Variants in ALG5 observed in about 807,000 individuals in gnomAD.
The protein encoded by ALG5 is dolichyl-phosphate beta-glucosyltransferase.
A neutral mutation model predicts 51.8 loss-of-function variants in ALG5; 26 were observed. The ratio of observed to expected loss-of-function variants is 0.50; its 90% confidence interval spans 0.37 to 0.70. ALG5 has a LOEUF of 0.70. Among genes scored for constraint, ALG5 ranks in the 30% least tolerant of loss-of-function variants. The pLI is 0.00. For missense variants in ALG5, 311 were observed against 399.3 expected (o/e 0.78, Z 1.88); for synonymous variants, 141 against 136.1 (o/e 1.04, Z -0.25).
At chr13:36,991,307 G>A (rs1446843326) in intron 4 of ALG5, among the ~76,000 whole-genome samples, 1 of 151,028 alleles carries the variant, frequency 6.6e-6, no homozygotes, top group East Asian at 1.9e-4. Context: ...AAAAAGAAAA[G>A]TATAATTCTA....
chr13:36,964,998 A>T lies in ALG5; in HGVS notation c.773+577T>A, dbSNP rs532061910. ...GGTGAGGAGTGAGTGGGAAGCAAGA[A>T]AACAAAGCCAGTGAATATAAAACAC... On this transcript the variant is annotated intron_variant, in intron 8 of 9. Transcript: ENST00000239891. Among the ~76,000 whole-genome samples the T allele has an allele frequency of 4.6e-5, 7 of 152,232 alleles. No individual in the cohort carries two copies. The South Asian group carries it at 1.2e-3, about 27-fold the overall frequency.
intron 9 of ALG5, 101 bp from the exon 10 acceptor site, chr13:36,950,158 A>G (rs2058812114): frequency 3.2e-6 from 2 of 619,146 alleles, no homozygotes; most frequent in Non-Finnish European, 5.3e-6. Context: ...AGCCTTTAGC[A>G]CCTTAATTTT....
chr13:36,983,449 A>C (rs1227167173), intron 6 of ALG5, among the ~76,000 whole-genome samples: 3 of 152,156 alleles, frequency 2.0e-5, no homozygotes, highest in Non-Finnish European at 2.9e-5. Flanking sequence ...GTGATGATGG[A>C]AATGCTATAC....
At chr13:36,998,363 C>G (rs1189148309) in intron 1 of ALG5, among the ~76,000 whole-genome samples, 1 of 152,164 alleles carries the variant, frequency 6.6e-6, no homozygotes, top group Non-Finnish European at 1.5e-5. Flanking sequence ...TTTATCTAAA[C>G]TGTAAATTTA....
chr13:36,974,359 G>A (rs1566062393), intron 6 of ALG5, among the ~76,000 whole-genome samples: 1 of 151,924 alleles, frequency 6.6e-6, no homozygotes, highest in East Asian at 1.9e-4. Context: ...ATTTAAAAGT[G>A]CTCATTATAA....
intron 7 of ALG5, among the ~76,000 whole-genome samples, chr13:36,970,869 C>T (rs938006467): frequency 6.6e-6 from 1 of 152,138 alleles, no homozygotes; most frequent in Non-Finnish European, 1.5e-5. Flanking sequence ...CAAGATTGCG[C>T]CACTGCACTG....
chr13:36,960,374 G>A (rs1235092640), intron 8 of ALG5, among the ~76,000 whole-genome samples: 1 of 152,124 alleles, frequency 6.6e-6, no homozygotes. Flanking sequence ...GTTGAAAGTG[G>A]CCACAGCTAT....
At chr13:36,966,215 T>C (rs2058892861) in intron 7 of ALG5, among the ~76,000 whole-genome samples, 1 of 152,182 alleles carries the variant, frequency 6.6e-6, no homozygotes, top group South Asian at 2.1e-4. Flanking sequence ...GGTTATGGAC[T>C]AGAAAGGAGT....
At chr13:36,958,984 CAAAAT>C (rs1361144722) in intron 8 of ALG5, among the ~76,000 whole-genome samples, 3 of 147,104 alleles carry the variant, frequency 2.0e-5, no homozygotes, top group South Asian at 2.1e-4. Flanking sequence ...CAACTGCAAA[CAAAAT>C]AAAATAAAAA....
intron 4 of ALG5, 84 bp from the exon 5 acceptor site, chr13:36,989,660 C>T: frequency 1.9e-6 from 2 of 1,026,412 alleles, no homozygotes; most frequent in Non-Finnish European, 3.0e-6. Context: ...TTGGCTCAAA[C>T]ACTGCTATTG....
intron 6 of ALG5, among the ~76,000 whole-genome samples, chr13:36,983,760 T>G (rs1937761): frequency 0.83 from 126,436 of 151,882 alleles, 53,277 homozygotes; most frequent in East Asian, 1. Flanking sequence ...TCACTTAGAA[T>G]CTTAAAAAAA....
At chr13:36,981,309 A>C (rs1036967018) in intron 6 of ALG5, among the ~76,000 whole-genome samples, 2 of 152,236 alleles carry the variant, frequency 1.3e-5, no homozygotes, top group Non-Finnish European at 2.9e-5. Flanking sequence ...AAATGGTCAA[A>C]GCAATATTGT....
At chr13:36,964,634 G>A (rs2058883912) in intron 8 of ALG5, among the ~76,000 whole-genome samples, 1 of 152,098 alleles carries the variant, frequency 6.6e-6, no homozygotes, top group South Asian at 2.1e-4. Context: ...ACATAGAGGT[G>A]GCTAGATGTT....
rs57192095 is a variant in ALG5 at position 36,976,425 on chromosome 13, C to CAAA, written c.562-4392_562-4390dup. ...TCAGTGACAGAGCAAGACTCTGTCT[C>CAAA]AAAAAAAAAAAAAAAAAAAAAAAAA... On this transcript the variant is annotated intron_variant, in intron 6 of 9. Transcript: ENST00000239891. 3.4e-3 allele frequency among the ~76,000 whole-genome samples: 126 copies of CAAA among 36,584 alleles called. 1 individual carries two copies. The highest frequency in any genetic ancestry group is 5.1e-3 in the Non-Finnish European group (77 of 15,026). 24.0% of individuals were successfully genotyped at this position (36,584 alleles called of 152,430 possible). A position where few individuals can be genotyped will look rare whatever the true frequency, so the allele number is the denominator to read the frequency against.
chr13:36,980,063 A>T (rs1022451812), intron 6 of ALG5, among the ~76,000 whole-genome samples: 6 of 152,244 alleles, frequency 3.9e-5, no homozygotes, highest in Middle Eastern at 6.8e-3. Context: ...TAATAATAAA[A>T]AATAAATAAA....
chr13:36,954,987 G>C (rs2058833508), intron 8 of ALG5, among the ~76,000 whole-genome samples: 1 of 152,126 alleles, frequency 6.6e-6, no homozygotes, highest in South Asian at 2.1e-4. Context: ...AGTGGGAGAA[G>C]GGTGCCACAG....
At chr13:36,965,964 TCAGACAAGCGGC>T (rs2058891389) in intron 7 of ALG5, among the ~76,000 whole-genome samples, 1 of 152,092 alleles carries the variant, frequency 6.6e-6, no homozygotes, top group Non-Finnish European at 1.5e-5. Context: ...GGAGGTTGAG[TCAGACAAGCGGC>T]CAGGGCTTTA....
chr13:36,996,252 A>G (rs1412543216), intron 1 of ALG5, among the ~76,000 whole-genome samples: 4 of 152,174 alleles, frequency 2.6e-5, no homozygotes, highest in African/African-American at 9.7e-5. Context: ...TTTGGAAATA[A>G]CCATTGTTTT....
At chr13:36,998,067 T>C (rs933178210) in intron 1 of ALG5, among the ~76,000 whole-genome samples, 1 of 152,160 alleles carries the variant, frequency 6.6e-6, no homozygotes, top group Non-Finnish European at 1.5e-5. Context: ...AATCAATAAA[T>C]GGTAGCTCTT....
Sources: allele counts gnomAD v4.1 joint callset (sites outside exome capture counted in the v4.1 genomes callset), GRCh38; gene constraint gnomAD v4.1.1; transcripts MANE v1.5; gene names NCBI Gene and HGNC (gene_info 2026-07-23, HGNC 2026-07-21).